PDE1C: variants seen among roughly 807,000 people sequenced by gnomAD.
PDE1C encodes dual specificity calcium/calmodulin-dependent 3',5'-cyclic nucleotide phosphodiesterase 1C.
PDE1C carries 62 observed loss-of-function variants against 93.1 expected under a neutral mutation model. The ratio of observed to expected loss-of-function variants is 0.67; its 90% CI spans 0.54 to 0.82. The LOEUF is 0.82. Among genes scored for constraint, PDE1C ranks in the 40% least tolerant of loss-of-function variants. The pLI is 0.00. For missense variants in PDE1C, 742 were observed against 884.6 expected (o/e 0.84, Z 2.04); for synonymous variants, 325 against 310.1 (o/e 1.05, Z -0.50).
the PDE1C span, among the ~76,000 whole-genome samples, chr7:31,713,067 C>T: frequency 6.6e-6 from 1 of 152,182 alleles, no homozygotes; most frequent in Non-Finnish European, 1.5e-5. Context: ...CCCCCAAAGT[C>T]TTAGCTCATT....
At chr7:32,017,896 T>C (rs1334869848) in intron 2 of PDE1C, among the ~76,000 whole-genome samples, 1 of 140,558 alleles carries the variant, frequency 7.1e-6, no homozygotes, top group Non-Finnish European at 1.6e-5. Context: ...CTGGGCAACA[T>C]GGTGAAACCC....
chr7:32,060,156 A>G (rs896114683), intron 1 of PDE1C, among the ~76,000 whole-genome samples: 4 of 152,206 alleles, frequency 2.6e-5, no homozygotes, highest in African/African-American at 9.7e-5. Flanking sequence ...TGAATTATTC[A>G]CAGAGCTGTT....
chr7:31,933,050 C>T (rs1013730002), intron 2 of PDE1C, among the ~76,000 whole-genome samples: 1 of 151,922 alleles, frequency 6.6e-6, no homozygotes, highest in African/African-American at 2.4e-5. Context: ...GAACATCACA[C>T]ACTGGGATCT....
intron 1 of PDE1C, among the ~76,000 whole-genome samples, chr7:32,348,741 C>T (rs1302939526): frequency 6.6e-6 from 1 of 152,126 alleles, no homozygotes; most frequent in African/African-American, 2.4e-5. Context: ...GGGGGACTCC[C>T]CAGATGGCCA....
intron 1 of PDE1C, among the ~76,000 whole-genome samples, chr7:32,372,739 A>G (rs144781250): frequency 6.6e-6 from 1 of 152,376 alleles, no homozygotes; most frequent in African/African-American, 2.4e-5. Context: ...TACAGAATAT[A>G]CAAGGAACCC....
chr7:31,651,150 C>T, the PDE1C span: 17 of 1,613,058 alleles, frequency 1.1e-5, no homozygotes, highest in Non-Finnish European at 1.3e-5. Flanking sequence ...AGTGCACAGT[C>T]CATGAGATGG....
chr7:32,277,937 C>G (rs1811384648), intron 1 of PDE1C, among the ~76,000 whole-genome samples: 1 of 152,018 alleles, frequency 6.6e-6, no homozygotes, highest in Non-Finnish European at 1.5e-5. Flanking sequence ...GAGAATCAGG[C>G]AGTGGGAGGA....
chr7:31,652,640 G>T, the PDE1C span: 9 of 1,613,850 alleles, frequency 5.6e-6, no homozygotes, highest in Non-Finnish European at 7.6e-6. Flanking sequence ...TGGCCCCGAG[G>T]ACTGTGTTTC....
chr7:32,018,397 TA>T lies in PDE1C; in HGVS notation c.128+33156del, dbSNP rs557014290. ...ATGTTCACAGCAACATTATTCATAA[TA>T]ACCAAAATATGGAAACAACCACAAT... On this transcript the variant is annotated intron_variant, in intron 2 of 17. Coordinates refer to ENST00000396191, the MANE Select transcript of PDE1C (RefSeq NM_001191057.4). 3.5e-4 allele frequency among the ~76,000 whole-genome samples: 54 copies of T among 152,234 alleles called. No individual in the cohort carries two copies. The South Asian group carries it at 0.01, about 29-fold the overall frequency.
chr7:31,837,467 A>G (rs926523037), intron 10 of PDE1C, among the ~76,000 whole-genome samples, 167 bp from the exon 11 acceptor site: 2 of 152,212 alleles, frequency 1.3e-5, no homozygotes, highest in Admixed American at 1.3e-4. Flanking sequence ...TGGGATACTC[A>G]TTAACTTGGT....
At chr7:32,138,992 G>A (rs774114553) in intron 3 of PDE1C, among the ~76,000 whole-genome samples, 14 of 152,108 alleles carry the variant, frequency 9.2e-5, no homozygotes, top group Non-Finnish European at 1.5e-4. Context: ...TAGTGTAATG[G>A]AGGAAAATGT....
At chr7:31,627,353 A>C in the PDE1C span, among the ~76,000 whole-genome samples, 2 of 152,194 alleles carry the variant, frequency 1.3e-5, no homozygotes. Flanking sequence ...TATTCTTTAG[A>C]GAATCATCAA....
chr7:31,909,336 C>A (rs1181053045), intron 2 of PDE1C, among the ~76,000 whole-genome samples: 1 of 151,922 alleles, frequency 6.6e-6, no homozygotes, highest in African/African-American at 2.4e-5. Context: ...TAATAAAGAC[C>A]CTCTTAGTCA....
At position 31,818,912 on chromosome 7, in the gene PDE1C, A is replaced by C. The variant is rs148433863; in HGVS notation, c.1583-2758T>G. Among the ~76,000 whole-genome samples, 650 of 152,280 alleles carry C rather than the reference A, an allele frequency of 4.3e-3. 7 individuals carry two copies. Among genetic ancestry groups the C allele is most frequent in the African/African-American group, 0.015 (628 of 41,572 alleles). ...GAGAGTATAAAATATTATCTGAGCA[A>C]GAGAAATTCATTTGACAACTGAGTC... On this transcript the variant is annotated intron_variant, in intron 14 of 17. Transcript: ENST00000396191.
intron 16 of PDE1C, among the ~76,000 whole-genome samples, chr7:31,805,152 G>A (rs190371307): frequency 1.6e-4 from 25 of 151,730 alleles, no homozygotes; most frequent in Admixed American, 5.3e-4. Context: ...CCATGACTAT[G>A]AGGCCTCCTC....
chr7:31,641,040 T>C, the PDE1C span, among the ~76,000 whole-genome samples: 2 of 152,166 alleles, frequency 1.3e-5, no homozygotes, highest in Non-Finnish European at 2.9e-5. Flanking sequence ...GTTGGCCAGC[T>C]CTGAGACTGT....
chr7:32,229,019 G>A (rs1441313158), intron 1 of PDE1C, among the ~76,000 whole-genome samples: 1 of 152,324 alleles, frequency 6.6e-6, no homozygotes. Context: ...CTGACAGGAT[G>A]TGCTTCCCAC....
intron 16 of PDE1C, among the ~76,000 whole-genome samples, chr7:31,800,102 GTA>G (rs1360570318): frequency 6.6e-6 from 1 of 151,422 alleles, no homozygotes; most frequent in African/African-American, 2.4e-5. Flanking sequence ...TCAATTTTTT[GTA>G]TGTTTTTAAT....
At chr7:31,818,952 T>C (rs1311017061) in intron 14 of PDE1C, among the ~76,000 whole-genome samples, 4 of 152,106 alleles carry the variant, frequency 2.6e-5, no homozygotes, top group Admixed American at 6.6e-5. Context: ...CAATTTCCCA[T>C]GGGAAATCTA....
Sources: gnomAD v4.1 joint callset for allele counts (sites outside exome capture counted in the v4.1 genomes callset) on GRCh38, gnomAD v4.1.1 for gene constraint, MANE v1.5 for transcripts, NCBI Gene and HGNC (gene_info 2026-07-23, HGNC 2026-07-21) for gene names.